The following CD72 variants were observed in gnomAD, a reference collection of about 807,000 sequenced individuals.
The protein encoded by CD72 is B-cell differentiation antigen CD72.
Under a neutral mutation model 50.7 loss-of-function variants are expected in CD72, and 28 were observed. The ratio of observed to expected loss-of-function variants is 0.55; its 90% CI spans 0.41 to 0.76. The LOEUF is 0.76. Ranked by LOEUF, CD72 falls within the 30% of genes least tolerant of loss-of-function variation. The pLI, the probability that CD72 is intolerant of heterozygous loss-of-function variation, is 0.00. For synonymous variants in CD72, 176 were observed against 171.2 expected (o/e 1.03, Z -0.22); for missense variants, 403 against 420.6 (o/e 0.96, Z 0.37).
intron 2 of CD72, 121 bp downstream of exon 2, chr9:35,617,893 T>G: frequency 2.7e-6 from 2 of 735,340 alleles, no homozygotes; most frequent in Non-Finnish European, 5.0e-6. Flanking sequence ...ATCACACCAC[T>G]GCACTCCAGC....
At chr9:35,628,493 T>C (rs910098583) in intron 1 of CD72, among the ~76,000 whole-genome samples, 1 of 152,216 alleles carries the variant, frequency 6.6e-6, no homozygotes, top group Non-Finnish European at 1.5e-5. Context: ...AGTGACAGCA[T>C]GAATTTAACA....
intron 1 of CD72, among the ~76,000 whole-genome samples, chr9:35,630,284 C>T (rs983289279): frequency 6.6e-6 from 1 of 152,052 alleles, no homozygotes; most frequent in South Asian, 2.1e-4. Context: ...GTGATCCCCC[C>T]GCCTCAGCCT....
At chr9:35,612,044 C>T (rs1822994627) in intron 6 of CD72, 125 bp from the exon 7 acceptor site, 1 of 613,554 alleles carries the variant, frequency 1.6e-6, no homozygotes, top group African/African-American at 1.9e-5. Flanking sequence ...TCTTTGGTAA[C>T]TTGTCCCTGA....
upstream of CD72, among the ~76,000 whole-genome samples, chr9:35,624,392 G>A (rs1823176259): frequency 1.3e-5 from 2 of 152,016 alleles, no homozygotes; most frequent in African/African-American, 4.8e-5. Flanking sequence ...AATTTAAGTG[G>A]GAAAATATGG....
Position 35,610,015 on chromosome 9 carries a change from T to G in CD72, c.*308A>C. 15 of 394,256 alleles carry G rather than the reference T, an allele frequency of 3.8e-5. No homozygotes were observed. Among genetic ancestry groups the G allele is most frequent in the Admixed American group, 4.3e-5 (1 of 23,074 alleles). 24.4% of individuals were successfully genotyped at this position (394,256 alleles called of 1,614,324 possible). A position where few individuals can be genotyped will look rare whatever the true frequency, so the allele number is the denominator to read the frequency against. On this transcript the variant is annotated 3_prime_UTR_variant, in exon 9 of 9. Transcript: ENST00000259633. Reference sequence around the variant, plus strand: ...AAAGATTTCAATAAAACTGCCTGGCTGGCTCCGGGCCGCCCCTATCCGCTC... The same window carrying G: ...AAAGATTTCAATAAAACTGCCTGGCGGGCTCCGGGCCGCCCCTATCCGCTC...
At chr9:35,639,353 T>C (rs1427748531) in intron 1 of CD72, among the ~76,000 whole-genome samples, 1 of 152,226 alleles carries the variant, frequency 6.6e-6, no homozygotes, top group Non-Finnish European at 1.5e-5. Flanking sequence ...TTGTTATTTG[T>C]ACGTGGTAGT....
chr9:35,625,464 G>T (rs565109005), intron 1 of CD72, among the ~76,000 whole-genome samples: 2 of 152,346 alleles, frequency 1.3e-5, no homozygotes, highest in African/African-American at 4.8e-5. Context: ...AAAGAAGCCA[G>T]CTCTATAACA....
At chr9:35,616,956 G>T (rs887463806) in intron 3 of CD72, 86 of 1,420,634 alleles carry the variant, frequency 6.1e-5, no homozygotes, top group Non-Finnish European at 7.7e-5. Context: ...AGAGGGGAAG[G>T]GGGGCAGGTA....
chr9:35,616,888 T>G (rs1823072373), intron 3 of CD72, 199 bp from the exon 4 acceptor site: 17 of 1,126,446 alleles, frequency 1.5e-5, no homozygotes, highest in Non-Finnish European at 2.5e-6. Flanking sequence ...CCAGAATCAG[T>G]GCTGGTGGGG....
rs750866866 is a variant in CD72, at chr9:35,618,348, T to C, written c.-45A>G. The C allele has an allele frequency of 7.4e-6, 12 of 1,612,830 alleles. No homozygotes were observed. In the Middle Eastern group the frequency reaches 1.2e-3, roughly 155 times the overall value. ...CCCACTCGTCTTCCCTGTCATCCACTGTCCTCCCTTGCCCCTCTCGTCTCT... is the reference window on the plus strand; with the variant it reads ...CCCACTCGTCTTCCCTGTCATCCACCGTCCTCCCTTGCCCCTCTCGTCTCT... On this transcript the variant is annotated 5_prime_UTR_variant, in exon 1 of 9. Transcript: ENST00000259633.
intron 2 of CD72, 123 bp from the exon 3 acceptor site, chr9:35,617,370 T>A: frequency 9.2e-7 from 1 of 1,091,028 alleles, no homozygotes. Context: ...CTGCTAGAGC[T>A]GCTCTGGGAC....
intron 1 of CD72, among the ~76,000 whole-genome samples, chr9:35,640,203 C>T (rs1340366149): frequency 6.6e-6 from 1 of 152,254 alleles, no homozygotes; most frequent in Admixed American, 6.5e-5. Context: ...TAATCCTTCA[C>T]AAATCTTCTC....
At chr9:35,641,185 C>CG (rs35996123) in intron 1 of CD72, among the ~76,000 whole-genome samples, 3,743 of 151,570 alleles carry the variant, frequency 0.025, 73 homozygotes, top group African/African-American at 0.052. Flanking sequence ...GAGATTTCCT[C>CG]GGGGGGGGTG....
At chr9:35,646,651 C>G (rs1823397024) in exon 1 of CD72, 1 of 152,258 alleles carries the variant, frequency 6.6e-6, no homozygotes, top group Non-Finnish European at 1.5e-5. Flanking sequence ...AAATCATACC[C>G]CGCTACAGTC....
intron 5 of CD72, among the ~76,000 whole-genome samples, chr9:35,614,414 G>A (rs906474250): frequency 4.6e-5 from 7 of 152,180 alleles, no homozygotes; most frequent in Middle Eastern, 3.2e-3. Context: ...CAAAAGATGA[G>A]GATGGGCAAA....
chr9:35,617,326 C>T lies in CD72; in HGVS notation c.191-79G>A, dbSNP rs1823081906. On this transcript the variant is annotated intron_variant, in intron 2 of 8. Coordinates refer to ENST00000259633, the MANE Select transcript of CD72 (RefSeq NM_001782.3). Reference sequence around the variant, plus strand: ...TCCTCCTGCGCACCCGCTTCGCCCTCGCCACTGGGAAACTCCAGTCTGCCC... The same window carrying T: ...TCCTCCTGCGCACCCGCTTCGCCCTTGCCACTGGGAAACTCCAGTCTGCCC... The T allele has an allele frequency of 8.9e-6, 13 of 1,459,672 alleles. No homozygotes were observed. In the South Asian group the frequency reaches 1.8e-4, roughly 20 times the overall value. The allele number at this position is 1,459,672 out of a possible 1,614,324, so 90.4% of individuals were successfully genotyped here.
intron 1 of CD72, among the ~76,000 whole-genome samples, chr9:35,633,207 G>A (rs558889865): frequency 4.7e-4 from 71 of 150,850 alleles, no homozygotes; most frequent in African/African-American, 1.5e-3. Flanking sequence ...TTCCCAAAGC[G>A]CTGGGATTAC....
At chr9:35,618,808 G>A, upstream of CD72, 1 of 1,280,102 alleles carries the variant, frequency 7.8e-7, no homozygotes, top group Non-Finnish European at 1.0e-6. Flanking sequence ...TTCCTGGTTT[G>A]CATCCCTCGC....
At chr9:35,624,373 A>G (rs979114303), upstream of CD72, among the ~76,000 whole-genome samples, 3 of 152,088 alleles carry the variant, frequency 2.0e-5, no homozygotes, top group South Asian at 6.2e-4. Context: ...TCAAATGCCA[A>G]TTTTCAGGAA....
Sources: allele counts gnomAD v4.1 joint callset (sites outside exome capture counted in the v4.1 genomes callset), GRCh38; gene constraint gnomAD v4.1.1; transcripts MANE v1.5; gene names NCBI Gene and HGNC (gene_info 2026-07-23, HGNC 2026-07-21).